The following CSMD2 variants were observed in gnomAD, a reference collection of about 807,000 sequenced individuals.
CSMD2 encodes CUB and Sushi multiple domains 2, also known as CUB and sushi domain-containing protein 2.
In CSMD2, 130 loss-of-function variants were observed where a neutral mutation model predicts 398.5. The observed-to-expected ratio is 0.33, with a 90% CI of 0.28 to 0.38. The LOEUF is 0.38. CSMD2 is among the 10% of genes least tolerant of loss of function. CSMD2 has a pLI of 1.00. For missense variants in CSMD2, 3,829 were observed against 4,764.9 expected, an observed-to-expected ratio of 0.80 and a Z score of 5.78; for synonymous variants, 1,828 against 1,908.5, an observed-to-expected ratio of 0.96 and a Z score of 1.10.
intron 11 of CSMD2, among the ~76,000 whole-genome samples, chr1:33,792,166 C>A (rs1380071308): frequency 1.3e-5 from 2 of 152,192 alleles, no homozygotes; most frequent in Non-Finnish European, 1.5e-5. Flanking sequence ...ATCCACAAAA[C>A]CTCGATCTCC....
At chr1:33,974,739 G>C (rs1645899100) in intron 3 of CSMD2, among the ~76,000 whole-genome samples, 1 of 152,174 alleles carries the variant, frequency 6.6e-6, no homozygotes, top group Admixed American at 6.5e-5. Context: ...GCATGAGCTT[G>C]AAAGTCAGAT....
At chr1:33,784,539 C>G (rs567651197) in intron 12 of CSMD2, among the ~76,000 whole-genome samples, 1 of 152,228 alleles carries the variant, frequency 6.6e-6, no homozygotes, top group Non-Finnish European at 1.5e-5. Flanking sequence ...CAGGCTCCTG[C>G]GAGCCTGATT....
chr1:34,001,744 A>C (rs757162875), intron 3 of CSMD2, among the ~76,000 whole-genome samples: 2 of 152,208 alleles, frequency 1.3e-5, no homozygotes, highest in Non-Finnish European at 2.9e-5. Flanking sequence ...AAGATTACAC[A>C]ACCCTGAGGA....
At chr1:33,541,739 A>T (rs1656363568) in intron 58 of CSMD2, among the ~76,000 whole-genome samples, 1 of 152,212 alleles carries the variant, frequency 6.6e-6, no homozygotes, top group Non-Finnish European at 1.5e-5. Context: ...CACCTTATTC[A>T]AAGTGCCCCC....
intron 19 of CSMD2, among the ~76,000 whole-genome samples, chr1:33,717,201 G>T (rs1571326219): frequency 6.6e-6 from 1 of 152,210 alleles, no homozygotes; most frequent in East Asian, 1.9e-4. Context: ...AGGTAGACGG[G>T]GGCCAGACCC....
chr1:33,709,405 C>G, intron 21 of CSMD2, 147 bp from the exon 22 acceptor site: 1 of 642,770 alleles, frequency 1.6e-6, no homozygotes, highest in East Asian at 2.8e-5. Flanking sequence ...AGTTGTTGGA[C>G]TGTCTACAGA....
chr1:33,657,785 C>G (rs542837940), intron 27 of CSMD2, among the ~76,000 whole-genome samples, 161 bp downstream of exon 27: 1 of 152,234 alleles, frequency 6.6e-6, no homozygotes, highest in African/African-American at 2.4e-5. Flanking sequence ...CGTGTGGGGA[C>G]ACATGCATGC....
intron 1 of CSMD2, among the ~76,000 whole-genome samples, chr1:34,159,605 C>T (rs1380779748): frequency 6.6e-6 from 1 of 152,194 alleles, no homozygotes; most frequent in Non-Finnish European, 1.5e-5. Context: ...TTACTTAGTG[C>T]GTGGATAAGT....
Position 33,633,938 on chromosome 1 carries a change from G to A in CSMD2, c.5087-403C>T, listed in dbSNP as rs191779958. Among the ~76,000 whole-genome samples, 2 of 152,290 alleles carry A rather than the reference G, an allele frequency of 1.3e-5. No individual in the cohort carries two copies. The highest frequency in any genetic ancestry group is 2.9e-5 in the Non-Finnish European group (2 of 68,024). Reference sequence around the variant, plus strand: ...GGACCCCACATTCATGCGTCCCAACGTCAGTTAGTCAGTGTCATTGAGTTG... The same window carrying A: ...GGACCCCACATTCATGCGTCCCAACATCAGTTAGTCAGTGTCATTGAGTTG... On this transcript the variant is annotated intron_variant, in intron 31 of 70. Transcript: ENST00000373381. The surrounding 1 kb of genome is among the most constrained non-coding windows in gnomAD (Gnocchi z 5.0).
At chr1:33,613,417 A>T (rs950662807) in intron 40 of CSMD2, among the ~76,000 whole-genome samples, 1 of 152,148 alleles carries the variant, frequency 6.6e-6, no homozygotes, top group South Asian at 2.1e-4. Context: ...GTCTCCTAAG[A>T]CTGCCGAGGG....
At chr1:33,688,771 G>C (rs1212691419) in intron 25 of CSMD2, among the ~76,000 whole-genome samples, 2 of 152,150 alleles carry the variant, frequency 1.3e-5, no homozygotes, top group Non-Finnish European at 2.9e-5. Context: ...AGCTGAGACA[G>C]TGCCACTGTA....
At chr1:34,149,826 G>C (rs982466529) in intron 1 of CSMD2, among the ~76,000 whole-genome samples, 1 of 152,190 alleles carries the variant, frequency 6.6e-6, no homozygotes, top group African/African-American at 2.4e-5. Flanking sequence ...TTGTAAAGGA[G>C]GGACAGAGGG....
chr1:34,076,431 C>A (rs190075731), intron 2 of CSMD2, among the ~76,000 whole-genome samples: 1 of 152,318 alleles, frequency 6.6e-6, no homozygotes, highest in Non-Finnish European at 1.5e-5. Context: ...CTGTAGACAG[C>A]TGTGCTGTGC....
chr1:34,045,483 G>C (rs1652414138), intron 2 of CSMD2, among the ~76,000 whole-genome samples: 1 of 152,150 alleles, frequency 6.6e-6, no homozygotes. Flanking sequence ...ATGTCCAAAG[G>C]ATCTTGTCTA....
At chr1:33,966,316 T>C (rs957527004) in intron 3 of CSMD2, among the ~76,000 whole-genome samples, 1 of 152,172 alleles carries the variant, frequency 6.6e-6, no homozygotes, top group African/African-American at 2.4e-5. Flanking sequence ...GCCCTGATGG[T>C]TGCAAATCCT....
intron 14 of CSMD2, among the ~76,000 whole-genome samples, chr1:33,739,798 G>A (rs1046674287): frequency 6.6e-6 from 1 of 152,026 alleles, no homozygotes. Context: ...ATTCTGTGAC[G>A]CTAATAGACT....
chr1:34,148,404 A>G (rs535849042), intron 1 of CSMD2, among the ~76,000 whole-genome samples: 1 of 152,372 alleles, frequency 6.6e-6, no homozygotes, highest in South Asian at 2.1e-4. Flanking sequence ...GTGCAGCAAC[A>G]GAAAACAAAA....
intron 44 of CSMD2, chr1:33,600,573 C>A: frequency 1.9e-6 from 1 of 533,438 alleles, no homozygotes; most frequent in South Asian, 2.5e-5. Flanking sequence ...AGGGATGATC[C>A]AGCCAGTGAG....
At chr1:34,021,386 C>T (rs552714770) in intron 3 of CSMD2, among the ~76,000 whole-genome samples, 111 of 152,314 alleles carry the variant, frequency 7.3e-4, no homozygotes, top group African/African-American at 1.7e-3. Flanking sequence ...ACGGTCCCTA[C>T]CAGAGCAGCA....
Sources: allele counts gnomAD v4.1 joint callset (sites outside exome capture counted in the v4.1 genomes callset), GRCh38; gene constraint gnomAD v4.1.1; non-coding constraint Gnocchi (gnomAD v3.1); transcripts MANE v1.5; gene names NCBI Gene and HGNC (gene_info 2026-07-23, HGNC 2026-07-21).